The following GPM6A variants were observed in gnomAD, a reference collection of about 807,000 sequenced individuals.
GPM6A encodes glycoprotein M6A.
A neutral mutation model predicts 32.1 loss-of-function variants in GPM6A; 7 were observed. The ratio of observed to expected loss-of-function variants is 0.22; its 90% CI spans 0.12 to 0.41. The LOEUF (loss-of-function observed/expected upper bound fraction) is 0.41, where lower values mean the gene tolerates loss of function less well. GPM6A is among the 10% of genes least tolerant of loss of function. The pLI, the probability that GPM6A is intolerant of heterozygous loss-of-function variation, is 1.00. For missense variants in GPM6A, 235 were observed against 347.2 expected, an observed-to-expected ratio of 0.68 and a Z score of 2.57; for synonymous variants, 130 against 123.4, an observed-to-expected ratio of 1.05 and a Z score of -0.35.
chr4:175,817,696 T>C (rs1735151235), intron 1 of GPM6A, among the ~76,000 whole-genome samples: 2 of 152,148 alleles, frequency 1.3e-5, no homozygotes, highest in South Asian at 2.1e-4. Flanking sequence ...TTCTGAACAG[T>C]TGAAAGAGAA....
intron 1 of GPM6A, among the ~76,000 whole-genome samples, chr4:175,711,428 A>G (rs1208779186): frequency 1.6e-5 from 1 of 64,468 alleles, no homozygotes; most frequent in Admixed American, 2.0e-4. Flanking sequence ...ATATATATAT[A>G]TATATATATA....
At chr4:175,819,677 A>C (rs1735215270) in intron 1 of GPM6A, among the ~76,000 whole-genome samples, 1 of 152,208 alleles carries the variant, frequency 6.6e-6, no homozygotes, top group Admixed American at 6.5e-5. Context: ...ATTTAAACAT[A>C]GGCATTCTGA....
chr4:175,822,699 A>C (rs1183892826), intron 1 of GPM6A, among the ~76,000 whole-genome samples: 1 of 151,380 alleles, frequency 6.6e-6, no homozygotes, highest in Non-Finnish European at 1.5e-5. Flanking sequence ...TCTGGGATAC[A>C]TGTGCAGAAC....
At chr4:175,686,043 A>G (rs527459402) in intron 2 of GPM6A, among the ~76,000 whole-genome samples, 2 of 152,258 alleles carry the variant, frequency 1.3e-5, no homozygotes, top group East Asian at 3.9e-4. Context: ...TTATGCTCAC[A>G]TGGATTCTTC....
intron 1 of GPM6A, among the ~76,000 whole-genome samples, chr4:175,754,408 A>G (rs1383619855): frequency 6.6e-6 from 1 of 152,188 alleles, no homozygotes; most frequent in Non-Finnish European, 1.5e-5. Context: ...TCAGCAAAAA[A>G]AGATAAAAGA....
intron 2 of GPM6A, among the ~76,000 whole-genome samples, chr4:175,692,440 T>C (rs545243981): frequency 6.6e-6 from 1 of 152,274 alleles, no homozygotes; most frequent in Admixed American, 6.5e-5. Context: ...AAATTACTTT[T>C]CTGAGTTTAC....
At chr4:175,814,093 C>G (rs1171076581), upstream of GPM6A, among the ~76,000 whole-genome samples, 3 of 152,218 alleles carry the variant, frequency 2.0e-5, no homozygotes, top group East Asian at 5.8e-4. Context: ...AACGGAGCAA[C>G]GCTCCTCATT....
At chr4:175,899,253 G>T (rs762595017) in intron 1 of GPM6A, among the ~76,000 whole-genome samples, 13 of 152,070 alleles carry the variant, frequency 8.5e-5, no homozygotes, top group Non-Finnish European at 1.5e-4. Context: ...CAGAGATAAA[G>T]AACTTGCATA....
intron 2 of GPM6A, among the ~76,000 whole-genome samples, chr4:175,692,825 A>G (rs1376717408): frequency 6.6e-6 from 1 of 152,158 alleles, no homozygotes; most frequent in African/African-American, 2.4e-5. Context: ...AATGCACCTG[A>G]AAAATTTTGG....
intron 1 of GPM6A, among the ~76,000 whole-genome samples, chr4:175,893,132 A>T (rs1737696057): frequency 6.6e-6 from 1 of 152,136 alleles, no homozygotes; most frequent in African/African-American, 2.4e-5. Flanking sequence ...GGCATTGGAG[A>T]CAGTGATGGT....
rs546069662 is a variant in GPM6A at position 175,959,372 on chromosome 4, T to C, written c.-23+42937A>G. On this transcript the variant is annotated intron_variant, in intron 1 of 7. Coordinates refer to the GPM6A transcript ENST00000280187. ...GGTACTGCACATGATCCTTGCATGCTTGCCATCTAATAACCTCTCATGCAT... is the reference window on the plus strand; with the variant it reads ...GGTACTGCACATGATCCTTGCATGCCTGCCATCTAATAACCTCTCATGCAT... 3.3e-5 allele frequency among the ~76,000 whole-genome samples: 5 copies of C among 152,172 alleles called. No homozygotes were observed. The East Asian group carries it at 7.7e-4, about 23-fold the overall frequency.
intron 1 of GPM6A, among the ~76,000 whole-genome samples, chr4:175,777,377 TA>T (rs751465439): frequency 8.0e-4 from 122 of 152,156 alleles, no homozygotes; most frequent in African/African-American, 2.7e-3. Context: ...GAGTAGACAG[TA>T]AAAAAATTAC....
rs1231467232 is a variant in GPM6A at position 175,637,171 on chromosome 4, C to G, written c.685-2114G>C. On this transcript the variant is annotated intron_variant, in intron 6 of 6. Coordinates refer to ENST00000393658, the MANE Select transcript of GPM6A (RefSeq NM_201591.3). ...ATATTATATGTCACATATAATATAT[C>G]ATATATGTGACATATATCATATATT... is the stretch of plus-strand genomic sequence containing the variant. Among the ~76,000 whole-genome samples, 15 of 63,200 alleles carry G rather than the reference C, an allele frequency of 2.4e-4. No homozygotes were observed. The South Asian group carries it at 4.1e-3, about 17-fold the overall frequency. The allele number at this position is 63,200 out of a possible 152,430, so 41.5% of individuals were successfully genotyped here.
At chr4:175,845,206 T>G (rs780966758) in intron 1 of GPM6A, among the ~76,000 whole-genome samples, 3 of 152,162 alleles carry the variant, frequency 2.0e-5, no homozygotes, top group Non-Finnish European at 2.9e-5. Context: ...TCTTTCCTAG[T>G]GGTGGATCTA....
At chr4:175,936,483 G>T (rs1019344369) in intron 1 of GPM6A, among the ~76,000 whole-genome samples, 2 of 152,112 alleles carry the variant, frequency 1.3e-5, no homozygotes, top group South Asian at 4.2e-4. Context: ...TACCCAGAGA[G>T]CAGTTGGGAT....
At chr4:175,818,607 T>A (rs1194473884) in intron 1 of GPM6A, among the ~76,000 whole-genome samples, 1 of 152,248 alleles carries the variant, frequency 6.6e-6, no homozygotes, top group Non-Finnish European at 1.5e-5. Flanking sequence ...CATGCATGCA[T>A]GAATGACTGA....
At chr4:175,943,067 T>A (rs139599559) in intron 1 of GPM6A, among the ~76,000 whole-genome samples, 325 of 152,262 alleles carry the variant, frequency 2.1e-3, no homozygotes, top group African/African-American at 7.1e-3. Flanking sequence ...TGAGAAGTGG[T>A]TTGTAGTTCT....
At chr4:175,670,754 G>A (rs1389884794) in intron 3 of GPM6A, among the ~76,000 whole-genome samples, 5 of 151,980 alleles carry the variant, frequency 3.3e-5, no homozygotes, top group East Asian at 1.9e-4. Context: ...TGCTGATACC[G>A]CATGAAAGGA....
At chr4:175,880,551 C>A (rs957642794) in intron 1 of GPM6A, among the ~76,000 whole-genome samples, 24 of 152,144 alleles carry the variant, frequency 1.6e-4, no homozygotes, top group African/African-American at 5.3e-4. Flanking sequence ...TTTGTGTCCT[C>A]TTTTATTTTG....
Sources: gnomAD v4.1 joint callset for allele counts (sites outside exome capture counted in the v4.1 genomes callset) on GRCh38, gnomAD v4.1.1 for gene constraint, MANE v1.5 for transcripts, NCBI Gene and HGNC (gene_info 2026-07-23, HGNC 2026-07-21) for gene names.